Variants in TRAPPC6A observed in about 807,000 individuals in gnomAD.
TRAPPC6A encodes the protein TRAPP complex subunit 6A.
In TRAPPC6A, 25 loss-of-function variants were observed where a neutral mutation model predicts 20.8. The ratio of observed to expected loss-of-function variants is 1.20; its 90% CI spans 0.88 to 1.68. The LOEUF (loss-of-function observed/expected upper bound fraction) is 1.68. TRAPPC6A is among the 40% of genes most tolerant of loss of function. The probability of loss-of-function intolerance (pLI) is 0.00; values close to 1 mark genes in which losing one functional copy is unlikely to be tolerated. For synonymous variants in TRAPPC6A, 96 were observed against 93.3 expected (o/e 1.03, Z -0.16); for missense variants, 215 against 211.6 (o/e 1.02, Z -0.10).
chr19:45,163,747 C>T lies in TRAPPC6A; in HGVS notation c.448+169G>A, dbSNP rs183612820. Among the ~76,000 whole-genome samples the T allele has an allele frequency of 1.3e-5, 2 of 152,204 alleles. No homozygotes were observed. The highest frequency in any genetic ancestry group is 1.3e-4 in the Admixed American group (2 of 15,302). ...CAGACAGTTCTCTCTGCAGGGCTGG[C>T]GACGTCACGGAGCCAGGGGCACAGA... On this transcript the variant is annotated intron_variant, in intron 5 of 5. Coordinates refer to ENST00000585934, the MANE Select transcript of TRAPPC6A (RefSeq NM_001270891.2). The surrounding 1 kb of genome is among the most constrained non-coding windows in gnomAD (Gnocchi z 5.3).
chr19:45,162,984 G>GATTA lies in TRAPPC6A; in HGVS notation c.*207_*208insTAAT. 2.3e-6 allele frequency: 1 copy of GATTA among 442,950 alleles called. No homozygotes were observed. Among genetic ancestry groups the GATTA allele is most frequent in the Non-Finnish European group, 4.0e-6 (1 of 251,894 alleles). 27.4% of individuals were successfully genotyped at this position (442,950 alleles called of 1,614,324 possible). A position where few individuals can be genotyped will look rare whatever the true frequency, so the allele number is the denominator to read the frequency against. ...AGCTACTGGGCAGTGACGCTGCCGAGGCGGGAATCCCACCACAGTCCTGAC... is the reference window on the plus strand; with the variant it reads ...AGCTACTGGGCAGTGACGCTGCCGAGATTAGCGGGAATCCCACCACAGTCCTGAC... On this transcript the variant is annotated 3_prime_UTR_variant, in exon 6 of 6. Coordinates refer to ENST00000585934, the MANE Select transcript of TRAPPC6A (RefSeq NM_001270891.2).
chr19:45,175,823 T>A (rs1280692215), intron 1 of TRAPPC6A, among the ~76,000 whole-genome samples: 1 of 151,932 alleles, frequency 6.6e-6, no homozygotes, highest in African/African-American at 2.4e-5. Flanking sequence ...GGATATGGAG[T>A]GTTGGGACAT....
At position 45,164,948 on chromosome 19, in the gene TRAPPC6A, A is replaced by AG; in HGVS notation, c.174dup (p.Phe59LeufsTer79). On this transcript the variant is annotated frameshift_variant, in exon 3 of 6. Coordinates refer to ENST00000585934, the MANE Select transcript of TRAPPC6A (RefSeq NM_001270891.2). LOFTEE classifies it high-confidence loss of function. ...TTGAGGACATCCAGCTCCTCCCTGA[A>AG]GGCCAGCGTCTCCCGGGGCAGCCTG... The AG allele has an allele frequency of 6.2e-7, 1 of 1,614,146 alleles. No homozygotes were observed. Among genetic ancestry groups the AG allele is most frequent in the Non-Finnish European group, 8.5e-7 (1 of 1,179,988 alleles).
rs114585414 is a variant in TRAPPC6A, at chr19:45,163,182, C to A, written c.*10G>T. On this transcript the variant is annotated 3_prime_UTR_variant, in exon 6 of 6. Transcript: ENST00000585934. The surrounding 1 kb of genome is among the most constrained non-coding windows in gnomAD (Gnocchi z 5.3). The stretch of plus-strand genomic sequence containing the variant: ...GGGCAGCAGTGCGGCTCAGCAGGTG[C>A]GAGGCAGGCTTAGGATTTCGGAATC... 5 of 1,613,818 alleles carry A rather than the reference C, an allele frequency of 3.1e-6. No homozygotes were observed. The highest frequency in any genetic ancestry group is 1.1e-5 in the South Asian group (1 of 91,076).
chr19:45,171,181 A>G (rs1169618247), intron 1 of TRAPPC6A, among the ~76,000 whole-genome samples: 2 of 152,204 alleles, frequency 1.3e-5, no homozygotes, highest in Non-Finnish European at 2.9e-5. Context: ...GCACGCCTAT[A>G]ATCCCAGCTA....
Position 45,173,068 on chromosome 19 carries a change from G to A in TRAPPC6A, c.84+5067C>T, listed in dbSNP as rs117908989. Among the ~76,000 whole-genome samples the A allele has an allele frequency of 1.9e-3, 294 of 151,756 alleles. 3 individuals are homozygous for A. The highest frequency in any genetic ancestry group is 3.2e-3 in the Non-Finnish European group (219 of 68,016). ...GGTGGATGGAGGCCTGGCGCAGCAG[G>A]GCTATTCTCGGGGCGCCTCGGGCCT... On this transcript the variant is annotated intron_variant, in intron 1 of 5. Transcript: ENST00000585934. The surrounding 1 kb of genome is among the most constrained non-coding windows in gnomAD (Gnocchi z 4.8).
intron 1 of TRAPPC6A, among the ~76,000 whole-genome samples, chr19:45,174,175 G>A (rs1170037948): frequency 6.6e-6 from 1 of 152,176 alleles, no homozygotes; most frequent in Admixed American, 6.5e-5. Context: ...GTCCATCAAA[G>A]CCTCCGCCGC....
intron 1 of TRAPPC6A, among the ~76,000 whole-genome samples, chr19:45,169,187 G>A (rs1969220528): frequency 6.6e-6 from 1 of 152,210 alleles, no homozygotes; most frequent in African/African-American, 2.4e-5. Flanking sequence ...TACCAGCGGC[G>A]CAGGTGCAGA....
chr19:45,168,095 C>T (rs142102372), intron 1 of TRAPPC6A, among the ~76,000 whole-genome samples: 2,030 of 150,874 alleles, frequency 0.013, 53 homozygotes, highest in African/African-American at 0.044. Flanking sequence ...CTCCGCCTCC[C>T]GGGTTCACGC....
At chr19:45,166,546 T>C (rs937682142) in intron 1 of TRAPPC6A, among the ~76,000 whole-genome samples, 21 of 151,314 alleles carry the variant, frequency 1.4e-4, no homozygotes, top group Non-Finnish European at 2.5e-4. Context: ...TCGGGTGTTT[T>C]GCTGCAAGCA....
chr19:45,172,216 G>T lies in TRAPPC6A; in HGVS notation c.84+5919C>A, dbSNP rs1036619380. Among the ~76,000 whole-genome samples, 1 of 151,766 alleles carries T rather than the reference G, an allele frequency of 6.6e-6. No individual in the cohort carries two copies. The highest frequency in any genetic ancestry group is 2.4e-5 in the African/African-American group (1 of 41,080). On this transcript the variant is annotated intron_variant, in intron 1 of 5. Coordinates refer to ENST00000585934, the MANE Select transcript of TRAPPC6A (RefSeq NM_001270891.2). This position sits in a 1 kb window ranked among gnomAD's most constrained non-coding sequence, Gnocchi z 4.2. Reference sequence around the variant, plus strand: ...CCTGTGCTGTGGGGACAGAGATGAAGGAGCCACCATCCCTGTCCTCAAGGA... The same window carrying T: ...CCTGTGCTGTGGGGACAGAGATGAATGAGCCACCATCCCTGTCCTCAAGGA...
At chr19:45,176,437 C>T (rs1969377236) in intron 1 of TRAPPC6A, among the ~76,000 whole-genome samples, 1 of 151,942 alleles carries the variant, frequency 6.6e-6, no homozygotes, top group Non-Finnish European at 1.5e-5. Flanking sequence ...GCACTCCAGC[C>T]TGGGCGACAG....
Position 45,164,854 on chromosome 19 carries a change from T to C in TRAPPC6A, c.269A>G (p.Gln90Arg). Residue 90 changes from glutamine (Q) to arginine (R), a missense_variant and splice_region_variant, in exon 3 of 6, where the codon CAG becomes CGG. Physicochemically the swap from Gln to Arg is conservative, Grantham distance 43 (BLOSUM62 1). Transcript: ENST00000585934. ...ACGGGCAGGCCGGGGTGCTCCCACC[T>C]GGTGATTGGTGCGCAGGCTGTCCAT... ...KQMDSLRTNH[Q>R]GTYVLQDNSF... The C allele has an allele frequency of 6.2e-7, 1 of 1,613,820 alleles. No homozygotes were observed. Among genetic ancestry groups the C allele is most frequent in the Non-Finnish European group, 8.5e-7 (1 of 1,179,756 alleles).
intron 1 of TRAPPC6A, among the ~76,000 whole-genome samples, chr19:45,168,148 A>G (rs956304246): frequency 1.4e-4 from 21 of 151,318 alleles, no homozygotes; most frequent in African/African-American, 4.9e-4. Flanking sequence ...CACTATAGGC[A>G]CCCGCCACCA....
chr19:45,163,225 T>C lies in TRAPPC6A; in HGVS notation c.449-2A>G, dbSNP rs1365173967. ...TCGGAATCACCACCTGGAACTTACC[T>C]GGAAGAGAAGGCCTGGCTTAGGCTT... On this transcript the variant is annotated splice_acceptor_variant, in intron 5 of 5. Transcript: ENST00000585934. LOFTEE classifies it high-confidence loss of function. The surrounding 1 kb of genome is among the most constrained non-coding windows in gnomAD (Gnocchi z 5.3). 7 of 1,613,762 alleles carry C rather than the reference T, an allele frequency of 4.3e-6. No individual in the cohort carries two copies. The South Asian group carries it at 7.7e-5, about 18-fold the overall frequency.
Position 45,163,480 on chromosome 19 carries a change from C to T in TRAPPC6A, c.449-257G>A, listed in dbSNP as rs1292810400. On this transcript the variant is annotated intron_variant, in intron 5 of 5. Transcript: ENST00000585934. This position sits in a 1 kb window ranked among gnomAD's most constrained non-coding sequence, Gnocchi z 5.3. ...GCTCGGTCCTACCCCACGGGGGCCC[C>T]GGGGGCCCCCATGAGTGGGCCTGGG... Among the ~76,000 whole-genome samples, 3 of 152,108 alleles carry T rather than the reference C, an allele frequency of 2.0e-5. No individual in the cohort carries two copies. The highest frequency in any genetic ancestry group is 2.1e-4 in the South Asian group (1 of 4,824).
Position 45,172,172 on chromosome 19 carries a change from T to A in TRAPPC6A, c.84+5963A>T, listed in dbSNP as rs943271667. Among the ~76,000 whole-genome samples the A allele has an allele frequency of 3.3e-5, 5 of 151,636 alleles. No homozygotes were observed. The highest frequency in any genetic ancestry group is 1.2e-4 in the African/African-American group (5 of 41,076). On this transcript the variant is annotated intron_variant, in intron 1 of 5. Coordinates refer to ENST00000585934, the MANE Select transcript of TRAPPC6A (RefSeq NM_001270891.2). This position sits in a 1 kb window ranked among gnomAD's most constrained non-coding sequence, Gnocchi z 4.2. ...AGGAGGTCACAAAAGCCCTACACAC[T>A]GGCTGTGGCTCCTGGGCACCTGTGC...
At chr19:45,170,249 C>T (rs1969241547) in intron 1 of TRAPPC6A, among the ~76,000 whole-genome samples, 1 of 152,242 alleles carries the variant, frequency 6.6e-6, no homozygotes, top group Non-Finnish European at 1.5e-5. Flanking sequence ...CAGTGGGCCA[C>T]AGACTCAGTC....
At chr19:45,166,758 GC>G (rs1969162421) in intron 1 of TRAPPC6A, among the ~76,000 whole-genome samples, 1 of 152,104 alleles carries the variant, frequency 6.6e-6, no homozygotes, top group Non-Finnish European at 1.5e-5. Context: ...GAGCCCTGCA[GC>G]CCTCCCTCTC....
Sources: gnomAD v4.1 joint callset for allele counts (sites outside exome capture counted in the v4.1 genomes callset) on GRCh38, gnomAD v4.1.1 for gene constraint, Gnocchi (gnomAD v3.1) non-coding constraint, MANE v1.5 for transcripts, NCBI Gene and HGNC (gene_info 2026-07-23, HGNC 2026-07-21) for gene names.